PRKD2: variants seen among roughly 807,000 people sequenced by gnomAD.
PRKD2 encodes the protein protein kinase D2.
A neutral mutation model predicts 86.0 loss-of-function variants in PRKD2; 22 were observed. That is an observed-to-expected ratio of 0.26 (90% CI 0.18 to 0.37). PRKD2 has a LOEUF of 0.37. Ranked by LOEUF, PRKD2 falls within the 10% of genes least tolerant of loss-of-function variation. The pLI, the probability that PRKD2 is intolerant of heterozygous loss-of-function variation, is 1.00. For missense variants in PRKD2, 818 were observed against 1,199.2 expected, an observed-to-expected ratio of 0.68 and a Z score of 4.70; for synonymous variants, 509 against 510.9, an observed-to-expected ratio of 1.00 and a Z score of 0.05.
At chr19:46,715,997 G>A in intron 1 of PRKD2, 134 bp downstream of exon 1, 1 of 1,359,910 alleles carries the variant, frequency 7.4e-7, no homozygotes, top group Non-Finnish European at 9.7e-7. Context: ...GGGGGGCAAT[G>A]CCCCCTATCC....
chr19:46,695,426 T>C (rs905332775), intron 9 of PRKD2, among the ~76,000 whole-genome samples: 16 of 152,202 alleles, frequency 1.1e-4, no homozygotes, highest in Non-Finnish European at 1.8e-4. Flanking sequence ...GAGGTTGCAG[T>C]GAGCCAAGAT....
chr19:46,702,766 C>T (rs1042894489), intron 5 of PRKD2, among the ~76,000 whole-genome samples: 1 of 151,242 alleles, frequency 6.6e-6, no homozygotes, highest in African/African-American at 2.4e-5. Flanking sequence ...TGGCTCACTG[C>T]AGCCTCAACC....
rs2053642243 is a variant in PRKD2 at position 46,702,025 on chromosome 19, G to T, written c.890-913C>A. ...AAAACCTATTTTATGAAGGTTCTAT[G>T]ATTCTGTTTTTTGTTTTTTTTTTTT... On this transcript the variant is annotated intron_variant, in intron 5 of 17. Coordinates refer to ENST00000291281, the MANE Select transcript of PRKD2 (RefSeq NM_016457.5). 1.4e-5 allele frequency among the ~76,000 whole-genome samples: 2 copies of T among 144,592 alleles called. 1 individual carries two copies. The highest frequency in any genetic ancestry group is 3.0e-5 in the Non-Finnish European group (2 of 66,510). 94.9% of individuals were successfully genotyped at this position (144,592 alleles called of 152,430 possible). A position where few individuals can be genotyped will look rare whatever the true frequency, so the allele number is the denominator to read the frequency against.
rs1167692738 is a variant in PRKD2, at chr19:46,697,154, T to C, written c.1317+3A>G. On this transcript the variant is annotated splice_donor_region_variant and intron_variant, in intron 9 of 17. Coordinates refer to ENST00000291281, the MANE Select transcript of PRKD2 (RefSeq NM_016457.5). ...CGAGGGAGCTGAAAGCCCGGAGGCT[T>C]ACCTTATAGTATCTGTTGGTCGTGT... is the stretch of plus-strand genomic sequence containing the variant. The C allele has an allele frequency of 6.4e-7, 1 of 1,570,610 alleles. No homozygotes were observed. The highest frequency in any genetic ancestry group is 8.8e-7 in the Non-Finnish European group (1 of 1,140,658).
chr19:46,686,328 C>G (rs180714075), intron 14 of PRKD2: 86 of 151,944 alleles, frequency 5.7e-4, no homozygotes, highest in African/African-American at 2.0e-3. Flanking sequence ...AAGACCCTGT[C>G]TCTACAAAAA....
intron 14 of PRKD2, among the ~76,000 whole-genome samples, chr19:46,681,966 A>C (rs1448729019): frequency 6.7e-6 from 1 of 148,168 alleles, no homozygotes; most frequent in Non-Finnish European, 1.5e-5. Context: ...TCAGCCTCCC[A>C]AGTAGCTGGG....
intron 15 of PRKD2, among the ~76,000 whole-genome samples, chr19:46,679,196 A>T (rs2053258623): frequency 6.6e-6 from 1 of 152,086 alleles, no homozygotes; most frequent in South Asian, 2.1e-4. Context: ...TACAAAAATT[A>T]GCACACGCCT....
chr19:46,699,309 CTTGTTT>C (rs2053605312), intron 7 of PRKD2, among the ~76,000 whole-genome samples: 2 of 152,304 alleles, frequency 1.3e-5, no homozygotes, highest in East Asian at 3.9e-4. Context: ...TCCATCTCCT[CTTGTTT>C]TTATCACCAT....
chr19:46,690,838 C>T, intron 12 of PRKD2, 132 bp from the exon 13 acceptor site: 1 of 755,674 alleles, frequency 1.3e-6, no homozygotes, highest in Non-Finnish European at 2.2e-6. Context: ...TGGAAGGCCC[C>T]AGGAGATACG....
At chr19:46,691,673 G>A in intron 12 of PRKD2, 62 bp downstream of exon 12, 3 of 1,531,390 alleles carry the variant, frequency 2.0e-6, no homozygotes, top group Non-Finnish European at 2.7e-6. Flanking sequence ...AGAAAGGGCT[G>A]GAGCCACAGC....
At position 46,710,892 on chromosome 19, in the gene PRKD2, C is replaced by T; in HGVS notation, c.511+15G>A. 1 of 1,419,684 alleles carries T rather than the reference C, an allele frequency of 7.0e-7. No individual in the cohort carries two copies. Among genetic ancestry groups the T allele is most frequent in the Non-Finnish European group, 9.6e-7 (1 of 1,038,724 alleles). 87.9% of individuals were successfully genotyped at this position (1,419,684 alleles called of 1,614,324 possible). On this transcript the variant is annotated intron_variant, in intron 3 of 17. Coordinates refer to ENST00000291281, the MANE Select transcript of PRKD2 (RefSeq NM_016457.5). ...GCCCCGCCCCAGGCCCCGCCCCCAACCCTTTAGCTCTCACCATCGCACTTG... is the reference window on the plus strand; with the variant it reads ...GCCCCGCCCCAGGCCCCGCCCCCAATCCTTTAGCTCTCACCATCGCACTTG...
At chr19:46,686,354 G>C (rs2122620250) in intron 14 of PRKD2, among the ~76,000 whole-genome samples, 1 of 151,828 alleles carries the variant, frequency 6.6e-6, no homozygotes, top group East Asian at 1.9e-4. Flanking sequence ...AAAAAAATTA[G>C]CCAGGTGTAA....
At chr19:46,700,670 G>A in intron 7 of PRKD2, 129 bp downstream of exon 7, 1 of 1,234,276 alleles carries the variant, frequency 8.1e-7, no homozygotes, top group Non-Finnish European at 1.1e-6. Flanking sequence ...TGCTTTAAAA[G>A]GTTTGCCTCA....
In PRKD2 at chr19:46,689,532, C is replaced by A. The variant is rs144706294; in HGVS notation, c.1971+5G>T. 8 of 1,594,824 alleles carry A rather than the reference C, an allele frequency of 5.0e-6. No homozygotes were observed. Among genetic ancestry groups the A allele is most frequent in the Non-Finnish European group, 6.8e-6 (8 of 1,171,470 alleles). ...GGCGGGTGGCAGCGGGCAGGGCAGA[C>A]GCACCTGGGTGATGAGGAACTTGGT... On this transcript the variant is annotated splice_donor_5th_base_variant and intron_variant, in intron 14 of 17. Coordinates refer to ENST00000291281, the MANE Select transcript of PRKD2 (RefSeq NM_016457.5).
chr19:46,716,380 C>T lies in PRKD2; in HGVS notation c.-10G>A. On this transcript the variant is annotated 5_prime_UTR_variant, in exon 1 of 18. Transcript: ENST00000291281. This position sits in a 1 kb window ranked among gnomAD's most constrained non-coding sequence, Gnocchi z 7.9. ...AGGGGGCGGTGGCCATGGGGGGAGG[C>T]CGGGGACCGGCCGCCTGGAGCCCAC... 7.2e-7 allele frequency: 1 copy of T among 1,391,100 alleles called. No individual in the cohort carries two copies. The highest frequency in any genetic ancestry group is 1.6e-5 in the South Asian group (1 of 62,104). 86.2% of individuals were successfully genotyped at this position (1,391,100 alleles called of 1,614,324 possible).
intron 14 of PRKD2, among the ~76,000 whole-genome samples, chr19:46,684,962 CA>C (rs113835407): frequency 1.0e-4 from 14 of 133,632 alleles, no homozygotes; most frequent in Non-Finnish European, 1.6e-4. Context: ...GACTCCATCT[CA>C]AAAAAAAAAA....
chr19:46,708,324 T>C (rs1176488766), intron 3 of PRKD2, among the ~76,000 whole-genome samples: 1 of 138,786 alleles, frequency 7.2e-6, no homozygotes, highest in Admixed American at 7.3e-5. Flanking sequence ...TTTTTTTTTT[T>C]TTTTTTTTTT....
intron 14 of PRKD2, among the ~76,000 whole-genome samples, chr19:46,683,110 C>T (rs867619469): frequency 8.6e-5 from 13 of 151,966 alleles, no homozygotes; most frequent in South Asian, 8.3e-4. Flanking sequence ...GCCTCAGTCT[C>T]CCAAATAGCT....
intron 15 of PRKD2, among the ~76,000 whole-genome samples, chr19:46,679,708 T>C (rs917241460): frequency 1.3e-5 from 2 of 152,120 alleles, no homozygotes; most frequent in African/African-American, 4.8e-5. Flanking sequence ...CACTGCAACC[T>C]CTGCCTCCCA....
Sources: gnomAD v4.1 joint callset for allele counts (sites outside exome capture counted in the v4.1 genomes callset) on GRCh38, gnomAD v4.1.1 for gene constraint, Gnocchi (gnomAD v3.1) non-coding constraint, MANE v1.5 for transcripts, NCBI Gene and HGNC (gene_info 2026-07-23, HGNC 2026-07-21) for gene names.